The following ARSB variants were observed in gnomAD, a reference collection of about 807,000 sequenced individuals.
The protein encoded by ARSB is N-acetylgalactosamine-4-sulfatase.
Under a neutral mutation model 50.9 loss-of-function variants are expected in ARSB, and 41 were observed. The ratio of observed to expected loss-of-function variants is 0.81; its 90% CI spans 0.63 to 1.04. ARSB has a LOEUF of 1.04. Ranked by LOEUF, ARSB falls within the 50% of genes least tolerant of loss-of-function variation. ARSB has a pLI of 0.00. For missense variants in ARSB, 672 were observed against 693.3 expected, an observed-to-expected ratio of 0.97 and a Z score of 0.35; for synonymous variants, 269 against 284.8, an observed-to-expected ratio of 0.94 and a Z score of 0.56.
chr5:78,874,651 T>TA (rs2112168148), intron 5 of ARSB, among the ~76,000 whole-genome samples: 1 of 151,872 alleles, frequency 6.6e-6, no homozygotes, highest in Non-Finnish European at 1.5e-5. Context: ...AGAATAGAAA[T>TA]AAAAATATTT....
intron 5 of ARSB, among the ~76,000 whole-genome samples, chr5:78,856,672 T>C (rs143407580): frequency 1.3e-5 from 2 of 152,340 alleles, no homozygotes; most frequent in East Asian, 3.9e-4. Flanking sequence ...GGGTTGATTA[T>C]TGCTATACTA....
chr5:78,922,603 A>G (rs1441765930), intron 4 of ARSB, among the ~76,000 whole-genome samples: 1 of 151,690 alleles, frequency 6.6e-6, no homozygotes, highest in Non-Finnish European at 1.5e-5. Flanking sequence ...GGCTGGCTTC[A>G]GGTGTGACCC....
At chr5:78,978,751 C>A (rs763128150) in intron 1 of ARSB, among the ~76,000 whole-genome samples, 1 of 152,198 alleles carries the variant, frequency 6.6e-6, no homozygotes, top group Non-Finnish European at 1.5e-5. Context: ...GAGGAAAGAA[C>A]ACTCTTTTCA....
intron 6 of ARSB, among the ~76,000 whole-genome samples, chr5:78,802,394 G>A (rs1233872745): frequency 6.6e-6 from 1 of 151,618 alleles, no homozygotes; most frequent in Non-Finnish European, 1.5e-5. Context: ...AAAAAGCAGG[G>A]ATCATGACTC....
intron 5 of ARSB, among the ~76,000 whole-genome samples, chr5:78,867,777 A>C (rs1746869467): frequency 6.6e-6 from 1 of 151,760 alleles, no homozygotes; most frequent in Non-Finnish European, 1.5e-5. Flanking sequence ...AAAGGAACGC[A>C]GTTCCTCACC....
intron 5 of ARSB, among the ~76,000 whole-genome samples, chr5:78,881,759 T>G (rs1747756390): frequency 6.6e-6 from 1 of 152,356 alleles, no homozygotes; most frequent in East Asian, 1.9e-4. Flanking sequence ...AGTTTGGTAA[T>G]GTTTATCAAA....
rs367549604 is a variant in ARSB at position 78,880,149 on chromosome 5, G to A, written c.1142+5435C>T. Among the ~76,000 whole-genome samples, 25 of 152,278 alleles carry A rather than the reference G, an allele frequency of 1.6e-4. 1 individual carries two copies. The East Asian group carries it at 4.6e-3, about 28-fold the overall frequency. ...GGAGAACGTGCTAACACCGAAGAAA[G>A]ATCTGCAATTTGGAGCTAAGAGTGA... On this transcript the variant is annotated intron_variant, in intron 5 of 7. Coordinates refer to ENST00000264914, the MANE Select transcript of ARSB (RefSeq NM_000046.5).
chr5:78,857,644 G>A (rs1412401082), intron 5 of ARSB, among the ~76,000 whole-genome samples: 1 of 152,140 alleles, frequency 6.6e-6, no homozygotes, highest in Admixed American at 6.5e-5. Context: ...CTTTAAGGTA[G>A]GCACCCATGG....
At chr5:78,823,323 C>T (rs1403814758) in intron 6 of ARSB, among the ~76,000 whole-genome samples, 1 of 152,134 alleles carries the variant, frequency 6.6e-6, no homozygotes, top group Non-Finnish European at 1.5e-5. Context: ...GTGTGTAATA[C>T]CAGGCCACAG....
chr5:78,887,375 C>T (rs1329456378), intron 4 of ARSB, among the ~76,000 whole-genome samples: 1 of 152,104 alleles, frequency 6.6e-6, no homozygotes, highest in African/African-American at 2.4e-5. Context: ...AGAACTCGAT[C>T]CTGGGAGACA....
chr5:78,854,045 G>A (rs1433864810), intron 5 of ARSB, among the ~76,000 whole-genome samples: 7 of 152,244 alleles, frequency 4.6e-5, no homozygotes, highest in Non-Finnish European at 1.0e-4. Context: ...GCTTAGGCTT[G>A]CGCATGGTGC....
At chr5:78,944,092 C>T (rs577080863) in intron 4 of ARSB, among the ~76,000 whole-genome samples, 91 of 152,318 alleles carry the variant, frequency 6.0e-4, no homozygotes, top group African/African-American at 2.1e-3. Flanking sequence ...CTTGTGCATT[C>T]GTCACGTAGT....
intron 6 of ARSB, chr5:78,816,028 G>C (rs1200397776): frequency 6.6e-7 from 1 of 1,511,320 alleles, no homozygotes; most frequent in African/African-American, 1.5e-5. Flanking sequence ...CAGAACCTTG[G>C]GTCTGAAGTC....
At chr5:78,976,072 G>A (rs1240580634) in intron 1 of ARSB, among the ~76,000 whole-genome samples, 1 of 151,968 alleles carries the variant, frequency 6.6e-6, no homozygotes, top group Non-Finnish European at 1.5e-5. Flanking sequence ...TTTTAAACAA[G>A]GGAAAAATAA....
At chr5:78,908,575 A>G (rs1400238130) in intron 4 of ARSB, among the ~76,000 whole-genome samples, 1 of 152,146 alleles carries the variant, frequency 6.6e-6, no homozygotes, top group African/African-American at 2.4e-5. Context: ...TGGCCGGAAC[A>G]CCAACAATGA....
chr5:78,906,473 A>G (rs1749070700), intron 4 of ARSB, among the ~76,000 whole-genome samples: 1 of 152,206 alleles, frequency 6.6e-6, no homozygotes, highest in Non-Finnish European at 1.5e-5. Context: ...GCATAGTTCC[A>G]TAATTCCATT....
intron 6 of ARSB, among the ~76,000 whole-genome samples, chr5:78,799,591 G>A (rs1580980330): frequency 6.6e-6 from 1 of 152,144 alleles, no homozygotes; most frequent in Non-Finnish European, 1.5e-5. Flanking sequence ...TTCTGAACCC[G>A]CATACGGAAA....
chr5:78,976,093 G>A (rs653413), intron 1 of ARSB, among the ~76,000 whole-genome samples: 7 of 151,650 alleles, frequency 4.6e-5, no homozygotes, highest in Admixed American at 3.9e-4. Flanking sequence ...ATATAAAATC[G>A]ATTTTCTCAT....
intron 3 of ARSB, among the ~76,000 whole-genome samples, chr5:78,958,113 T>C (rs1032045480): frequency 6.6e-6 from 1 of 152,104 alleles, no homozygotes; most frequent in Non-Finnish European, 1.5e-5. Context: ...CCCCCTCAAA[T>C]GCTATCCAAT....
Sources: allele counts gnomAD v4.1 joint callset (sites outside exome capture counted in the v4.1 genomes callset), GRCh38; gene constraint gnomAD v4.1.1; transcripts MANE v1.5; gene names NCBI Gene and HGNC (gene_info 2026-07-23, HGNC 2026-07-21).